The following UVRAG variants were observed in gnomAD, a reference collection of about 807,000 sequenced individuals.
The protein encoded by UVRAG is UV radiation resistance-associated gene protein.
A neutral mutation model predicts 78.0 loss-of-function variants in UVRAG; 19 were observed. The observed-to-expected ratio is 0.24, with a 90% CI of 0.17 to 0.36. The LOEUF (loss-of-function observed/expected upper bound fraction) is 0.36, where lower values mean the gene tolerates loss of function less well. Ranked by LOEUF, UVRAG falls within the 10% of genes least tolerant of loss-of-function variation. The pLI is 1.00. For synonymous variants in UVRAG, 323 were observed against 324.6 expected (o/e 1.00, Z 0.05); for missense variants, 740 against 853.8 (o/e 0.87, Z 1.66).
At chr11:76,131,328 C>T (rs917417844) in intron 14 of UVRAG, among the ~76,000 whole-genome samples, 1 of 152,198 alleles carries the variant, frequency 6.6e-6, no homozygotes, top group Non-Finnish European at 1.5e-5. Flanking sequence ...CTGAGCTGGC[C>T]TCCAGATGGG....
intron 8 of UVRAG, among the ~76,000 whole-genome samples, chr11:75,985,154 C>CTTTTTTTTTTT (rs796594987): frequency 7.8e-6 from 1 of 128,592 alleles, no homozygotes; most frequent in African/African-American, 2.8e-5. Flanking sequence ...AATTTCTTTT[C>CTTTTTTTTTTT]TTTTTTTTTT....
intron 1 of UVRAG, among the ~76,000 whole-genome samples, chr11:75,815,939 C>T (rs942689125): frequency 6.6e-6 from 1 of 152,238 alleles, no homozygotes; most frequent in Admixed American, 6.5e-5. Context: ...CTTTCCCCAC[C>T]TGGCCATCCC....
At chr11:75,979,862 G>C (rs905465013) in intron 7 of UVRAG, 5 of 152,294 alleles carry the variant, frequency 3.3e-5, no homozygotes, top group African/African-American at 1.2e-4. Flanking sequence ...GCCTTGCCCT[G>C]CTTTGGCTCA....
At chr11:75,969,969 C>T (rs1480048659) in intron 7 of UVRAG, among the ~76,000 whole-genome samples, 1 of 152,130 alleles carries the variant, frequency 6.6e-6, no homozygotes, top group Non-Finnish European at 1.5e-5. Context: ...TTTGTAGTTA[C>T]AATTTTAATT....
chr11:76,052,527 GC>G (rs1382063557), intron 12 of UVRAG, among the ~76,000 whole-genome samples: 5 of 152,082 alleles, frequency 3.3e-5, no homozygotes, highest in Non-Finnish European at 7.4e-5. Context: ...TTCATCCCCT[GC>G]TACTTCAGTT....
intron 12 of UVRAG, among the ~76,000 whole-genome samples, chr11:76,035,689 TA>T (rs1950519994): frequency 1.3e-5 from 2 of 152,202 alleles, no homozygotes; most frequent in Admixed American, 6.5e-5. Flanking sequence ...TAACAACAAT[TA>T]AAAATGTTCT....
At chr11:75,933,319 A>G (rs774326923) in intron 6 of UVRAG, among the ~76,000 whole-genome samples, 2 of 152,216 alleles carry the variant, frequency 1.3e-5, no homozygotes, top group Non-Finnish European at 2.9e-5. Context: ...AGAAGAAGGA[A>G]ACTAGACCAC....
At chr11:76,019,840 C>T (rs919198387) in intron 12 of UVRAG, among the ~76,000 whole-genome samples, 1 of 152,166 alleles carries the variant, frequency 6.6e-6, no homozygotes, top group Non-Finnish European at 1.5e-5. Flanking sequence ...TGGCTACCAC[C>T]TATGTTTGCT....
chr11:76,132,911 A>T (rs1952537511), intron 14 of UVRAG, among the ~76,000 whole-genome samples: 1 of 152,212 alleles, frequency 6.6e-6, no homozygotes, highest in Non-Finnish European at 1.5e-5. Flanking sequence ...AGGGACTGGG[A>T]GAGAGAAGGA....
chr11:75,837,756 G>C (rs1945817140), intron 1 of UVRAG: 1 of 152,126 alleles, frequency 6.6e-6, no homozygotes, highest in African/African-American at 2.4e-5. Context: ...TGAATTTATA[G>C]CTCTTACCAT....
intron 12 of UVRAG, among the ~76,000 whole-genome samples, chr11:76,034,953 G>A (rs531483931): frequency 2.6e-5 from 4 of 152,172 alleles, no homozygotes; most frequent in East Asian, 1.9e-4. Context: ...AATAAGCAAC[G>A]GAAACTTTTT....
At chr11:76,127,158 C>T (rs1249857935) in intron 14 of UVRAG, among the ~76,000 whole-genome samples, 1 of 152,180 alleles carries the variant, frequency 6.6e-6, no homozygotes, top group African/African-American at 2.4e-5. Context: ...TTTTATACAT[C>T]TCTTTATTTC....
chr11:75,939,297 C>T (rs1005046038), intron 6 of UVRAG, among the ~76,000 whole-genome samples: 1 of 152,024 alleles, frequency 6.6e-6, no homozygotes, highest in Non-Finnish European at 1.5e-5. Flanking sequence ...TTTTCTTTGT[C>T]CTCTTTGTTC....
At chr11:75,888,506 AG>A (rs1343758561) in intron 4 of UVRAG, among the ~76,000 whole-genome samples, 3 of 152,224 alleles carry the variant, frequency 2.0e-5, no homozygotes, top group African/African-American at 7.2e-5. Context: ...TTGGGGTTAG[AG>A]AGGGTAGAAT....
At chr11:76,016,058 T>C (rs941620817) in intron 11 of UVRAG, among the ~76,000 whole-genome samples, 26 of 152,330 alleles carry the variant, frequency 1.7e-4, no homozygotes, top group African/African-American at 6.0e-4. Flanking sequence ...CATTTATCAC[T>C]TGATAGATAG....
chr11:75,838,532 C>G (rs1945836262), intron 1 of UVRAG, among the ~76,000 whole-genome samples: 1 of 151,846 alleles, frequency 6.6e-6, no homozygotes, highest in Admixed American at 6.6e-5. Flanking sequence ...GAGACTCTCT[C>G]TCTATATATA....
chr11:76,110,809 T>C (rs1228679542), intron 13 of UVRAG, among the ~76,000 whole-genome samples: 1 of 152,146 alleles, frequency 6.6e-6, no homozygotes, highest in East Asian at 1.9e-4. Flanking sequence ...TGTTAGCCAG[T>C]ATTGAAAAGC....
intron 1 of UVRAG, 126 bp from the exon 2 acceptor site, chr11:75,851,756 TG>T: frequency 1.4e-6 from 1 of 728,524 alleles, no homozygotes; most frequent in South Asian, 1.7e-5. Flanking sequence ...GACTGGGTTA[TG>T]GTTTCTGGCT....
intron 1 of UVRAG, among the ~76,000 whole-genome samples, chr11:75,827,788 A>G (rs963817708): frequency 1.3e-5 from 2 of 152,152 alleles, no homozygotes; most frequent in Non-Finnish European, 2.9e-5. Flanking sequence ...GATATGAACT[A>G]TTTCCTTCCT....
Sources: allele counts gnomAD v4.1 joint callset (sites outside exome capture counted in the v4.1 genomes callset), GRCh38; gene constraint gnomAD v4.1.1; transcripts MANE v1.5; gene names NCBI Gene and HGNC (gene_info 2026-07-23, HGNC 2026-07-21).